The following PREPL variants were observed in gnomAD, a reference collection of about 807,000 sequenced individuals.
PREPL encodes prolyl endopeptidase-like.
A neutral mutation model predicts 70.6 loss-of-function variants in PREPL; 77 were observed. The ratio of observed to expected loss-of-function variants is 1.09; its 90% confidence interval spans 0.91 to 1.32. The LOEUF (loss-of-function observed/expected upper bound fraction) is 1.32. PREPL is among the 40% of genes most tolerant of loss of function. The pLI, the probability that PREPL is intolerant of heterozygous loss-of-function variation, is 0.00. For missense variants in PREPL, 1,002 were observed against 778.2 expected (o/e 1.29, Z -3.42); for synonymous variants, 315 against 264.8 (o/e 1.19, Z -1.84).
intron 8 of PREPL, 30 bp from the exon 9 acceptor site, chr2:44,329,142 A>C (rs1445690961): frequency 6.5e-7 from 1 of 1,529,946 alleles, no homozygotes; most frequent in East Asian, 2.3e-5. Context: ...ATGTATGTAA[A>C]GAAGAGTCTT....
At chr2:44,324,615 T>G (rs1172805628) in intron 10 of PREPL, among the ~76,000 whole-genome samples, 2 of 152,194 alleles carry the variant, frequency 1.3e-5, no homozygotes, top group Admixed American at 6.5e-5. Context: ...TGGTGGCTCA[T>G]GCCTGTAATC....
intron 1 of PREPL, among the ~76,000 whole-genome samples, chr2:44,354,262 GA>G (rs1283744997): frequency 1.3e-5 from 2 of 152,076 alleles, no homozygotes; most frequent in African/African-American, 4.8e-5. Context: ...TATATGAAAA[GA>G]AAAAATGCAT....
At chr2:44,340,677 C>T (rs943487953) in intron 5 of PREPL, among the ~76,000 whole-genome samples, 1 of 152,104 alleles carries the variant, frequency 6.6e-6, no homozygotes, top group African/African-American at 2.4e-5. Context: ...ACTGTAATCC[C>T]AGCACTCTGG....
chr2:44,342,378 G>C (rs1280214169), intron 5 of PREPL, 39 bp downstream of exon 5: 1 of 1,518,332 alleles, frequency 6.6e-7, no homozygotes, highest in Admixed American at 2.0e-5. Context: ...ACTGGAGGAA[G>C]GTTCTGGAGA....
intron 7 of PREPL, among the ~76,000 whole-genome samples, chr2:44,334,705 C>A (rs1160514960): frequency 6.6e-6 from 1 of 152,136 alleles, no homozygotes; most frequent in African/African-American, 2.4e-5. Flanking sequence ...GCCACCACGC[C>A]TGGCTAGTTT....
At chr2:44,348,787 A>G in intron 1 of PREPL, among the ~76,000 whole-genome samples, 1 of 152,212 alleles carries the variant, frequency 6.6e-6, no homozygotes, top group Non-Finnish European at 1.5e-5. Context: ...AATTACTCCC[A>G]TGGAAACTGA....
rs746319803 is a variant in PREPL, at chr2:44,320,160, G to C, written c.*1196C>G. On this transcript the variant is annotated 3_prime_UTR_variant, in exon 14 of 14. Coordinates refer to ENST00000409411, the MANE Select transcript of PREPL (RefSeq NM_001171613.2). ...TAAAAATACTTACAAACAATTCTTA[G>C]AATCAAACACTTACGTAAATACTTT... 2 of 1,504,466 alleles carry C rather than the reference G, an allele frequency of 1.3e-6. No individual in the cohort carries two copies. The highest frequency in any genetic ancestry group is 2.8e-5 in the African/African-American group (2 of 72,328). The allele number at this position is 1,504,466 out of a possible 1,614,324, so 93.2% of individuals were successfully genotyped here.
Position 44,320,820 on chromosome 2 carries a change from G to T in PREPL, c.*536C>A. The T allele has an allele frequency of 1.6e-6, 1 of 631,538 alleles. No homozygotes were observed. Among genetic ancestry groups the T allele is most frequent in the Non-Finnish European group, 2.8e-6 (1 of 359,178 alleles). 39.1% of individuals were successfully genotyped at this position (631,538 alleles called of 1,614,324 possible). ...TTTGAAAAAAATAAAATGTTTAAAA[G>T]TAAATTATGGCTTATAGGAGCTTAT... On this transcript the variant is annotated 3_prime_UTR_variant, in exon 14 of 14. Transcript: ENST00000409411.
At chr2:44,343,602 GA>G (rs1486196764) in intron 4 of PREPL, 142 bp downstream of exon 4, 9 of 648,434 alleles carry the variant, frequency 1.4e-5, no homozygotes, top group Non-Finnish European at 2.4e-5. Context: ...TCCTGAATAA[GA>G]GGTACATAGG....
chr2:44,323,117 T>C lies in PREPL; in HGVS notation c.1629+145A>G. On this transcript the variant is annotated intron_variant, in intron 11 of 13. Transcript: ENST00000409411. ...CCCCTGAGGTATTAAACATGGAGCA[T>C]GAGCAGAGATGGTGCTGAAGATATT... 4.7e-6 allele frequency: 4 copies of C among 849,976 alleles called. No homozygotes were observed. The South Asian group carries it at 5.6e-5, about 12-fold the overall frequency. 52.7% of individuals were successfully genotyped at this position (849,976 alleles called of 1,614,324 possible).
At position 44,346,326 on chromosome 2, in the gene PREPL, T is replaced by C. The variant is rs1381272053; in HGVS notation, c.17A>G (p.Lys6Arg). 5.6e-6 allele frequency: 9 copies of C among 1,612,402 alleles called. No individual in the cohort carries two copies. Among genetic ancestry groups the C allele is most frequent in the Non-Finnish European group, 7.6e-6 (9 of 1,178,850 alleles). MDAFE[K>R]VRTKLETQPQ... Reference sequence around the variant, plus strand: ...CTGTGTTTCTAATTTTGTTCTCACTTTTTCAAATGCATCCATGTTTTCTGG... The same window carrying C: ...CTGTGTTTCTAATTTTGTTCTCACTCTTTCAAATGCATCCATGTTTTCTGG... Residue 6 changes from lysine (K) to arginine (R), a missense_variant, in exon 2 of 14, where the codon AAA becomes AGA. Transcript: ENST00000409411.
rs954678577 is a variant in PREPL, at chr2:44,339,046, T to A, written c.702+101A>T. 2.0e-6 allele frequency: 3 copies of A among 1,509,762 alleles called. No individual in the cohort carries two copies. In the African/African-American group the frequency reaches 4.2e-5, roughly 21 times the overall value. The allele number at this position is 1,509,762 out of a possible 1,614,324, so 93.5% of individuals were successfully genotyped here. A position where few individuals can be genotyped will look rare whatever the true frequency, so the allele number is the denominator to read the frequency against. On this transcript the variant is annotated intron_variant, in intron 6 of 13. Transcript: ENST00000409411. The stretch of plus-strand genomic sequence containing the variant: ...ATTGGTTATACATAGGAAGGTGGCA[T>A]CAATTTATAAAACAATGAGCTCTTG...
rs1169545066 is a variant in PREPL, at chr2:44,321,857, GC to G, written c.1796del (p.Gly599AlafsTer4). On this transcript the variant is annotated frameshift_variant, in exon 13 of 14. Coordinates refer to ENST00000409411, the MANE Select transcript of PREPL (RefSeq NM_001171613.2). LOFTEE classifies it high-confidence loss of function. The stretch of plus-strand genomic sequence containing the variant: ...TGTGAGAATCCTCAATTACATGATT[GC>G]CTCCAGGCTGAATATCTAGAATAAT... ...PNIILDIQPG[G>X]NHVIEDSHKK... 6.2e-7 allele frequency: 1 copy of G among 1,613,664 alleles called. No individual in the cohort carries two copies.
intron 1 of PREPL, among the ~76,000 whole-genome samples, chr2:44,355,456 C>A (rs547976827): frequency 8.6e-5 from 13 of 151,956 alleles, no homozygotes; most frequent in Non-Finnish European, 2.9e-5. Context: ...GGCTAAGGCA[C>A]GAGAATCACT....
chr2:44,318,191 A>T lies in PREPL; in HGVS notation c.*3165T>A. The stretch of plus-strand genomic sequence containing the variant: ...CTGCAGCCTCTGCTTCCTGGGTTCA[A>T]GTGATTCTCCTGCTGCAGCCTCCCA... On this transcript the variant is annotated 3_prime_UTR_variant, in exon 14 of 14. Transcript: ENST00000409411. 2.4e-6 allele frequency: 1 copy of T among 418,830 alleles called. No individual in the cohort carries two copies. The highest frequency in any genetic ancestry group is 2.8e-5 in the Admixed American group (1 of 36,310). The allele number at this position is 418,830 out of a possible 1,614,324, so 25.9% of individuals were successfully genotyped here. A position where few individuals can be genotyped will look rare whatever the true frequency, so the allele number is the denominator to read the frequency against.
intron 9 of PREPL, among the ~76,000 whole-genome samples, chr2:44,328,268 CAAAAA>C (rs1202363557): frequency 1.9e-5 from 2 of 102,888 alleles, no homozygotes; most frequent in African/African-American, 7.9e-5. Flanking sequence ...GATTCTATCT[CAAAAA>C]AAAAAAAAAA....
rs772957544 is a variant in PREPL at position 44,320,387 on chromosome 2, A to G, written c.*969T>C. Reference sequence around the variant, plus strand: ...TCGTGGTTCTGAATTTTGGAGAATCAACACTGTTAAATCTACATAATATGA... The same window carrying G: ...TCGTGGTTCTGAATTTTGGAGAATCGACACTGTTAAATCTACATAATATGA... On this transcript the variant is annotated 3_prime_UTR_variant, in exon 14 of 14. Transcript: ENST00000409411. 1.2e-5 allele frequency: 20 copies of G among 1,613,988 alleles called. No homozygotes were observed. In the South Asian group the frequency reaches 2.2e-4, roughly 18 times the overall value.
Position 44,345,137 on chromosome 2 carries a change from A to G in PREPL, c.76-551T>C, listed in dbSNP as rs1420307459. The stretch of plus-strand genomic sequence containing the variant: ...ATTTGAAATTGAGAGAATTAATATT[A>G]CCCAAATATAAATAGTGTTCTTGTC... On this transcript the variant is annotated intron_variant, in intron 2 of 13. Transcript: ENST00000409411. Among the ~76,000 whole-genome samples, 2 of 152,214 alleles carry G rather than the reference A, an allele frequency of 1.3e-5. 1 individual carries two copies. The highest frequency in any genetic ancestry group is 4.8e-5 in the African/African-American group (2 of 41,454).
At chr2:44,328,463 A>G (rs931121871) in intron 9 of PREPL, among the ~76,000 whole-genome samples, 9 of 146,296 alleles carry the variant, frequency 6.2e-5, no homozygotes, top group African/African-American at 2.3e-4. Flanking sequence ...AAAAAAAAAA[A>G]GGGTCTGATG....
Sources: gnomAD v4.1 joint callset for allele counts (sites outside exome capture counted in the v4.1 genomes callset) on GRCh38, gnomAD v4.1.1 for gene constraint, MANE v1.5 for transcripts, NCBI Gene and HGNC (gene_info 2026-07-23, HGNC 2026-07-21) for gene names.